The following CDH12 variants were observed in gnomAD, a reference collection of about 807,000 sequenced individuals.
The protein encoded by CDH12 is cadherin-12.
CDH12 carries 41 observed loss-of-function variants against 74.1 expected under a neutral mutation model. The ratio of observed to expected loss-of-function variants is 0.55; its 90% confidence interval spans 0.43 to 0.72. CDH12 has a LOEUF of 0.72. CDH12 is among the 30% of genes least tolerant of loss of function. The probability of loss-of-function intolerance (pLI) is 0.00; values close to 1 mark genes in which losing one functional copy is unlikely to be tolerated. For missense variants in CDH12, 945 were observed against 977.2 expected (o/e 0.97, Z 0.44); for synonymous variants, 399 against 355.0 (o/e 1.12, Z -1.39).
At chr5:22,705,499 G>GCA (rs5866587) in intron 1 of CDH12, among the ~76,000 whole-genome samples, 20,933 of 143,464 alleles carry the variant, frequency 0.15, 1,791 homozygotes, top group African/African-American at 0.25. Flanking sequence ...CAACACACAT[G>GCA]CACACACACA....
intron 5 of CDH12, among the ~76,000 whole-genome samples, chr5:22,062,502 T>C (rs1741260146): frequency 6.6e-6 from 1 of 152,154 alleles, no homozygotes; most frequent in African/African-American, 2.4e-5. Flanking sequence ...TAGGCTTACC[T>C]AAAAACGCTT....
chr5:22,000,426 A>G (rs1405078892), intron 5 of CDH12, among the ~76,000 whole-genome samples: 1 of 152,186 alleles, frequency 6.6e-6, no homozygotes, highest in Non-Finnish European at 1.5e-5. Flanking sequence ...GACCAAACAG[A>G]TAAAGCTATA....
At chr5:22,501,709 T>A (rs559508733) in intron 2 of CDH12, among the ~76,000 whole-genome samples, 1 of 150,774 alleles carries the variant, frequency 6.6e-6, no homozygotes, top group Non-Finnish European at 1.5e-5. Context: ...GAACAAAATT[T>A]ACCAAATGAT....
intron 12 of CDH12, among the ~76,000 whole-genome samples, chr5:21,764,662 A>G (rs2149875739): frequency 6.6e-6 from 1 of 150,918 alleles, no homozygotes; most frequent in African/African-American, 2.4e-5. Context: ...AAAAAAAAAA[A>G]AAAAAAGAAA....
chr5:21,765,541 C>CA (rs200367776), intron 11 of CDH12, among the ~76,000 whole-genome samples: 16,720 of 83,748 alleles, frequency 0.2, 1,108 homozygotes, highest in East Asian at 0.4. Flanking sequence ...AGAACTATAA[C>CA]AAAAAAAAAA....
At chr5:21,991,450 T>A (rs1319737343) in intron 5 of CDH12, among the ~76,000 whole-genome samples, 1 of 107,876 alleles carries the variant, frequency 9.3e-6, no homozygotes, top group African/African-American at 3.5e-5. Context: ...ACAAGCACAA[T>A]TTTTGCAAAA....
chr5:21,880,570 T>TC (rs1213770996), intron 6 of CDH12, among the ~76,000 whole-genome samples: 1,794 of 14,734 alleles, frequency 0.12, 231 homozygotes, highest in East Asian at 0.29. Context: ...TTCCCTTCTT[T>TC]CTTTCCTTCC....
At chr5:22,095,188 C>T (rs4701570) in intron 4 of CDH12, among the ~76,000 whole-genome samples, 25,730 of 152,048 alleles carry the variant, frequency 0.17, 2,588 homozygotes, top group African/African-American at 0.28. Flanking sequence ...GCCCAAGGAA[C>T]ATCTCACCAA....
chr5:22,416,329 C>T (rs567727095), intron 2 of CDH12, among the ~76,000 whole-genome samples: 1 of 152,040 alleles, frequency 6.6e-6, no homozygotes, highest in Admixed American at 6.6e-5. Flanking sequence ...CCCGCCTCGG[C>T]CTCCCAAAGT....
chr5:22,077,909 A>T (rs1275775262), intron 5 of CDH12, among the ~76,000 whole-genome samples: 1 of 152,178 alleles, frequency 6.6e-6, no homozygotes, highest in African/African-American at 2.4e-5. Flanking sequence ...TTATTTATAA[A>T]GCTTAAGCAA....
intron 1 of CDH12, among the ~76,000 whole-genome samples, chr5:22,591,557 C>A (rs1422279540): frequency 6.6e-6 from 1 of 151,836 alleles, no homozygotes; most frequent in Non-Finnish European, 1.5e-5. Context: ...GTTTTTTTAT[C>A]ATTTCATCTC....
chr5:21,833,536 T>C (rs1397694231), intron 8 of CDH12, among the ~76,000 whole-genome samples: 1 of 131,376 alleles, frequency 7.6e-6, no homozygotes, highest in Non-Finnish European at 1.6e-5. Context: ...TCATATATTA[T>C]ATGTAATATA....
chr5:21,919,576 C>T (rs1239896473), intron 6 of CDH12, among the ~76,000 whole-genome samples: 1 of 152,040 alleles, frequency 6.6e-6, no homozygotes, highest in African/African-American at 2.4e-5. Flanking sequence ...CTGTCATTTT[C>T]GCAGGCCAAC....
intron 1 of CDH12, among the ~76,000 whole-genome samples, chr5:22,644,063 C>A (rs900951029): frequency 6.6e-6 from 1 of 152,018 alleles, no homozygotes; most frequent in Non-Finnish European, 1.5e-5. Flanking sequence ...CCCTGTCCTT[C>A]TTCCTCTCCT....
intron 9 of CDH12, among the ~76,000 whole-genome samples, chr5:21,816,722 T>C (rs1579758088): frequency 6.7e-6 from 1 of 148,934 alleles, no homozygotes; most frequent in Non-Finnish European, 1.5e-5. Context: ...GTAAAGCTTC[T>C]GGTCAAGAGT....
chr5:22,411,632 G>T (rs953952245), intron 2 of CDH12, among the ~76,000 whole-genome samples: 3 of 151,890 alleles, frequency 2.0e-5, no homozygotes, highest in Non-Finnish European at 2.9e-5. Context: ...TCAAACCAAC[G>T]AAATTGATTG....
chr5:22,655,140 T>C (rs1354513850), intron 1 of CDH12, among the ~76,000 whole-genome samples: 1 of 152,200 alleles, frequency 6.6e-6, no homozygotes, highest in African/African-American at 2.4e-5. Flanking sequence ...TCATGAAGCA[T>C]TGTGAATTTT....
At chr5:22,740,065 A>C (rs1744941897) in intron 1 of CDH12, among the ~76,000 whole-genome samples, 1 of 152,160 alleles carries the variant, frequency 6.6e-6, no homozygotes, top group Admixed American at 6.6e-5. Context: ...GATTTGGGGC[A>C]AACAGGAATA....
At chr5:21,956,916 T>A (rs566581962) in intron 6 of CDH12, among the ~76,000 whole-genome samples, 10 of 152,254 alleles carry the variant, frequency 6.6e-5, no homozygotes, top group Admixed American at 1.3e-4. Flanking sequence ...TTCTTCTTTT[T>A]TTTTTAACTT....
Sources: gnomAD v4.1 joint callset for allele counts (sites outside exome capture counted in the v4.1 genomes callset) on GRCh38, gnomAD v4.1.1 for gene constraint, MANE v1.5 for transcripts, NCBI Gene and HGNC (gene_info 2026-07-23, HGNC 2026-07-21) for gene names.